Variants in DST observed in about 807,000 individuals in gnomAD.
The protein encoded by DST is dystonin.
DST carries 253 observed loss-of-function variants against 875.2 expected under a neutral mutation model. The observed-to-expected ratio is 0.29, with a 90% CI of 0.26 to 0.32. The LOEUF (loss-of-function observed/expected upper bound fraction) is 0.32. Ranked by LOEUF, DST falls within the 10% of genes least tolerant of loss-of-function variation. DST has a pLI of 1.00. For synonymous variants in DST, 3,124 were observed against 3,197.1 expected, an observed-to-expected ratio of 0.98 and a Z score of 0.77; for missense variants, 8,287 against 9,111.6, an observed-to-expected ratio of 0.91 and a Z score of 3.68.
In DST at chr6:56,497,513, G is replaced by A. The variant is rs768464006; in HGVS notation, c.20095-6C>T. 1 of 1,612,006 alleles carries A rather than the reference G, an allele frequency of 6.2e-7. No homozygotes were observed. On this transcript the variant is annotated splice_polypyrimidine_tract_variant and splice_region_variant and intron_variant, in intron 81 of 103. Transcript: ENST00000680361. ...TCGCCATGGAACCCTTTGGCCTGAA[G>A]TAATAGGCAGTTTTAAGTTGGGGCC...
In DST at chr6:56,620,726, C is replaced by T. The variant is rs752983209; in HGVS notation, c.4929+3804G>A. On this transcript the variant is annotated intron_variant, in intron 36 of 103. Transcript: ENST00000680361. ...CTTACACCTTTTAATCTACAAAAGA[C>T]ATTTTGAAAGTGTCAAGCCTGTTCT... The T allele has an allele frequency of 2.1e-5, 33 of 1,608,598 alleles. 2 individuals are homozygous for T. In the South Asian group the frequency reaches 3.3e-4, roughly 16 times the overall value.
chr6:56,614,473 T>C lies in DST; in HGVS notation c.4941A>G (p.Glu1647=). The change falls in exon 37 of 104, where the codon GAA becomes GAG. Residue 1647 remains glutamate, a synonymous_variant. Coordinates refer to ENST00000680361, the MANE Select transcript of DST (RefSeq NM_001374736.1). ...TTTCAACATGTTCTTTCTTTTCTTCTTCCAGTGACTTCTGACAGTTGTGAG... is the reference window on the plus strand; with the variant it reads ...TTTCAACATGTTCTTTCTTTTCTTCCTCCAGTGACTTCTGACAGTTGTGAG... ...KRLEEEEKSL[E]EEKKEHVEKA... is the part of the protein sequence containing the mutation. 1 of 1,604,656 alleles carries C rather than the reference T, an allele frequency of 6.2e-7. No individual in the cohort carries two copies. Among genetic ancestry groups the C allele is most frequent in the Non-Finnish European group, 8.5e-7 (1 of 1,175,914 alleles).
At chr6:56,584,759 A>T (rs1216159331) in intron 49 of DST, among the ~76,000 whole-genome samples, 1 of 152,050 alleles carries the variant, frequency 6.6e-6, no homozygotes, top group African/African-American at 2.4e-5. Context: ...TTATTTTGAG[A>T]TACGTCCCAT....
At chr6:56,518,656 G>A (rs146528687) in intron 69 of DST, among the ~76,000 whole-genome samples, 8 of 152,238 alleles carry the variant, frequency 5.3e-5, no homozygotes, top group Non-Finnish European at 1.5e-5. Flanking sequence ...CAAAGAGCAC[G>A]AACATTTTCA....
At position 56,603,439 on chromosome 6, in the gene DST, C is replaced by G. The variant is rs190096924; in HGVS notation, c.10942-19G>C. ...CAAATGTCTGCAAAGAAATATATCC[C>G]GGACCTATTTACTATTTAGTGAAAA... On this transcript the variant is annotated intron_variant, in intron 41 of 103. Transcript: ENST00000680361. 1.2e-6 allele frequency: 2 copies of G among 1,605,232 alleles called. No individual in the cohort carries two copies. The highest frequency in any genetic ancestry group is 1.1e-5 in the South Asian group (1 of 90,538).
intron 4 of DST, among the ~76,000 whole-genome samples, chr6:56,770,837 C>A (rs1051871376): frequency 6.6e-6 from 1 of 151,980 alleles, no homozygotes; most frequent in South Asian, 2.1e-4. Context: ...CCCGTCTCTA[C>A]TAAAAATCCA....
intron 61 of DST, among the ~76,000 whole-genome samples, chr6:56,539,632 T>G (rs775269757): frequency 1.5e-4 from 23 of 152,280 alleles, no homozygotes; most frequent in South Asian, 1.2e-3. Context: ...ACAGCTGAAC[T>G]TCAATCTGAG....
intron 61 of DST, among the ~76,000 whole-genome samples, chr6:56,547,974 T>C (rs1293272404): frequency 6.6e-6 from 1 of 152,238 alleles, no homozygotes; most frequent in South Asian, 2.1e-4. Flanking sequence ...GTACTGGAGA[T>C]GTACTCATTT....
chr6:56,509,798 A>C lies in DST; in HGVS notation c.18856T>G (p.Ser6286Ala). 1 of 1,613,510 alleles carries C rather than the reference A, an allele frequency of 6.2e-7. No individual in the cohort carries two copies. Among genetic ancestry groups the C allele is most frequent in the Non-Finnish European group, 8.5e-7 (1 of 1,179,698 alleles). The change falls in exon 74 of 104, where the codon TCT becomes GCT. Residue 6286 changes from serine (S) to alanine (A), a missense_variant. Physicochemically the swap from Ser to Ala is moderately conservative, Grantham distance 99 (BLOSUM62 1). Transcript: ENST00000680361. ...TCCTTGATCTTCTCAACCTCTGCAG[A>C]GATAGAGGGTGGCTGCCTCAGACGT... is the stretch of plus-strand genomic sequence containing the variant. ...VERLRQPPSI[S>A]AEVEKIKEQI... is the part of the protein sequence containing the mutation.
chr6:56,482,302 C>T (rs2095428771), intron 89 of DST, 124 bp from the exon 90 acceptor site: 1 of 1,067,982 alleles, frequency 9.4e-7, no homozygotes, highest in Non-Finnish European at 1.3e-6. Context: ...AATTTAATTG[C>T]TTCATTACTC....
rs116383996 is a variant in DST at position 56,664,229 on chromosome 6, A to T, written c.1214+6412T>A. 2.7e-3 allele frequency among the ~76,000 whole-genome samples: 411 copies of T among 152,318 alleles called. 3 individuals carry two copies. Among genetic ancestry groups the T allele is most frequent in the Middle Eastern group, 6.8e-3 (2 of 294 alleles). On this transcript the variant is annotated intron_variant, in intron 10 of 103. Transcript: ENST00000680361. Reference sequence around the variant, plus strand: ...TGCCTGCTCAGGCAGACTTGTTTGCACACAGAGCAATGTTAGGCACTGCTG... The same window carrying T: ...TGCCTGCTCAGGCAGACTTGTTTGCTCACAGAGCAATGTTAGGCACTGCTG...
intron 3 of DST, among the ~76,000 whole-genome samples, chr6:56,868,388 T>G (rs955200244): frequency 3.3e-5 from 5 of 152,206 alleles, no homozygotes; most frequent in Admixed American, 2.6e-4. Context: ...TAAAGCTTTT[T>G]TGATATACAA....
At chr6:56,718,532 T>C (rs2099402919) in intron 5 of DST, among the ~76,000 whole-genome samples, 2 of 152,350 alleles carry the variant, frequency 1.3e-5, no homozygotes, top group Non-Finnish European at 2.9e-5. Flanking sequence ...ATCTACCATA[T>C]GACCCAACAA....
chr6:56,934,916 T>C (rs1267298868), intron 2 of DST, among the ~76,000 whole-genome samples: 1 of 152,120 alleles, frequency 6.6e-6, no homozygotes, highest in Non-Finnish European at 1.5e-5. Flanking sequence ...TTACTAGTGT[T>C]TCTTTGAGCA....
intron 5 of DST, among the ~76,000 whole-genome samples, chr6:56,729,625 A>C (rs1456043727): frequency 1.3e-5 from 2 of 152,050 alleles, no homozygotes; most frequent in African/African-American, 2.4e-5. Context: ...AAAAAAAAAA[A>C]ATTCCCCTAT....
At chr6:56,531,483 T>C (rs1342414717) in intron 64 of DST, among the ~76,000 whole-genome samples, 1 of 152,170 alleles carries the variant, frequency 6.6e-6, no homozygotes, top group African/African-American at 2.4e-5. Flanking sequence ...ACATGAGATT[T>C]TTCACCTCTT....
chr6:56,671,777 A>G (rs56139503), intron 9 of DST, among the ~76,000 whole-genome samples: 2,761 of 152,362 alleles, frequency 0.018, 79 homozygotes, highest in African/African-American at 0.061. Flanking sequence ...CGCCAGAATC[A>G]GAATGAGCAA....
rs1412614233 is a variant in DST at position 56,552,529 on chromosome 6, T to C, written c.16263A>G (p.Gln5421=). ...VGRDAETLQK[Q]KETIKAFLKK... Reference sequence around the variant, plus strand: ...TTAGAAAGGCTTTTATAGTTTCCTTTTGCTTTTGCAATGTTTCTGCATCTC... The same window carrying C: ...TTAGAAAGGCTTTTATAGTTTCCTTCTGCTTTTGCAATGTTTCTGCATCTC... The change falls in exon 61 of 104, where the codon CAA becomes CAG. Residue 5421 remains glutamine (Q), a synonymous_variant. Transcript: ENST00000680361. The C allele has an allele frequency of 6.2e-7, 1 of 1,614,000 alleles. No individual in the cohort carries two copies. Among genetic ancestry groups the C allele is most frequent in the African/African-American group, 1.3e-5 (1 of 75,064 alleles).
chr6:56,629,500 A>G, intron 31 of DST, 57 bp from the exon 32 acceptor site: 1 of 1,293,526 alleles, frequency 7.7e-7, no homozygotes, highest in Non-Finnish European at 1.1e-6. Flanking sequence ...CTGGGTAAAT[A>G]TATTATTTAC....
Sources: allele counts gnomAD v4.1 joint callset (sites outside exome capture counted in the v4.1 genomes callset), GRCh38; gene constraint gnomAD v4.1.1; transcripts MANE v1.5; gene names NCBI Gene and HGNC (gene_info 2026-07-23, HGNC 2026-07-21).